Variants in DCAF6 observed in about 807,000 individuals in gnomAD.
The protein encoded by DCAF6 is DDB1- and CUL4-associated factor 6.
In DCAF6, 54 loss-of-function variants were observed where a neutral mutation model predicts 125.1. The observed-to-expected ratio is 0.43, with a 90% CI of 0.35 to 0.54. DCAF6 has a LOEUF of 0.54. Ranked by LOEUF, DCAF6 falls within the 20% of genes least tolerant of loss-of-function variation. The pLI, the probability that DCAF6 is intolerant of heterozygous loss-of-function variation, is 0.01. For missense variants in DCAF6, 934 were observed against 1,161.7 expected, an observed-to-expected ratio of 0.80 and a Z score of 2.85; for synonymous variants, 371 against 390.4, an observed-to-expected ratio of 0.95 and a Z score of 0.58.
At chr1:167,992,866 G>C (rs78357988) in intron 6 of DCAF6, among the ~76,000 whole-genome samples, 1 of 152,192 alleles carries the variant, frequency 6.6e-6, no homozygotes, top group Non-Finnish European at 1.5e-5. Flanking sequence ...ATGCTAATAA[G>C]TATTAGCTTT....
intron 3 of DCAF6, among the ~76,000 whole-genome samples, chr1:167,973,589 A>AT (rs998900031): frequency 6.6e-6 from 1 of 152,040 alleles, no homozygotes; most frequent in African/African-American, 2.4e-5. Context: ...CACCTTAAAC[A>AT]TTTTTTTAAT....
At chr1:167,915,658 T>A in the DCAF6 span, among the ~76,000 whole-genome samples, 1 of 152,100 alleles carries the variant, frequency 6.6e-6, no homozygotes, top group African/African-American at 2.4e-5. Flanking sequence ...ACCATGTTAG[T>A]CAGTCTTGTC....
At chr1:168,024,715 A>C (rs1376376584) in intron 12 of DCAF6, among the ~76,000 whole-genome samples, 1 of 151,748 alleles carries the variant, frequency 6.6e-6, no homozygotes, top group Non-Finnish European at 1.5e-5. Context: ...GAGGGAGGAG[A>C]ATCGCTTGAA....
the DCAF6 span, chr1:167,904,645 A>T: frequency 6.4e-5 from 36 of 561,946 alleles, no homozygotes; most frequent in Admixed American, 1.2e-4. Context: ...AGATGTAAAC[A>T]TCATCTAGGG....
At chr1:168,009,389 T>TTCTTTCTTTCTTTCTTTCTC (rs1683900088) in intron 10 of DCAF6, among the ~76,000 whole-genome samples, 2 of 133,186 alleles carry the variant, frequency 1.5e-5, no homozygotes, top group African/African-American at 3.1e-5. Flanking sequence ...CTTCCTTCCT[T>TTCTTTCTTTCTTTCTTTCTC]TCTTTCTTTC....
chr1:168,064,015 G>GTTT (rs11295033), intron 18 of DCAF6: 14 of 121,310 alleles, frequency 1.2e-4, no homozygotes, highest in Middle Eastern at 3.9e-3. Flanking sequence ...CATTGCTTTT[G>GTTT]TTTTTTTTTT....
At position 168,009,345 on chromosome 1, in the gene DCAF6, CCCTTCCTTCCTTCCTTCCTT is replaced by C. The variant is rs199573600; in HGVS notation, c.1378+4577_1378+4596del. Reference sequence around the variant, plus strand: ...TTCTCTTCTTCTTTCCTTCCTTCCTCCCTTCCTTCCTTCCTTCCTTCCTTCCTTCCTTCCTTCCTTCCTTT... The same window carrying C: ...TTCTCTTCTTCTTTCCTTCCTTCCTCCCTTCCTTCCTTCCTTCCTTCCTTT... On this transcript the variant is annotated intron_variant, in intron 10 of 21. Transcript: ENST00000367840. Among the ~76,000 whole-genome samples, 79 of 127,946 alleles carry C rather than the reference CCCTTCCTTCCTTCCTTCCTT, an allele frequency of 6.2e-4. 1 individual carries two copies. Among genetic ancestry groups the C allele is most frequent in the East Asian group, 4.7e-4 (2 of 4,288 alleles). 83.9% of individuals were successfully genotyped at this position (127,946 alleles called of 152,430 possible). A position where few individuals can be genotyped will look rare whatever the true frequency, so the allele number is the denominator to read the frequency against.
chr1:167,923,171 T>C, the DCAF6 span, among the ~76,000 whole-genome samples: 8 of 152,234 alleles, frequency 5.3e-5, no homozygotes, highest in Non-Finnish European at 1.2e-4. Context: ...AATTATCATA[T>C]GATCTAGCAA....
intron 11 of DCAF6, among the ~76,000 whole-genome samples, chr1:168,020,263 G>A (rs1374777891): frequency 6.6e-6 from 1 of 152,158 alleles, no homozygotes; most frequent in East Asian, 1.9e-4. Context: ...ACTTAGACAA[G>A]TTAAATAACT....
chr1:168,028,372 C>G (rs1686615990), intron 12 of DCAF6, among the ~76,000 whole-genome samples: 1 of 152,066 alleles, frequency 6.6e-6, no homozygotes, highest in Admixed American at 6.6e-5. Flanking sequence ...GTAATTTTGT[C>G]TGAGTTTTAG....
chr1:168,010,008 AT>A (rs1315074523), intron 10 of DCAF6, among the ~76,000 whole-genome samples: 2 of 152,108 alleles, frequency 1.3e-5, no homozygotes, highest in Non-Finnish European at 2.9e-5. Context: ...GATAGGGTAT[AT>A]TTAGCTTTAT....
rs758228451 is a variant in DCAF6 at position 168,004,745 on chromosome 1, C to A, written c.1330C>A (p.Gln444Lys). 6.2e-7 allele frequency: 1 copy of A among 1,613,952 alleles called. No homozygotes were observed. Among genetic ancestry groups the A allele is most frequent in the Non-Finnish European group, 8.5e-7 (1 of 1,179,876 alleles). The change falls in exon 10 of 22, where the codon CAA (glutamine) becomes AAA (lysine). Residue 444 changes from glutamine (Q) to lysine (K), a missense_variant. Gln to Lys is a moderately conservative substitution (Grantham distance 53). Coordinates refer to ENST00000367840, the MANE Select transcript of DCAF6 (RefSeq NM_001198956.2). Reference sequence around the variant, plus strand: ...TTTGCTATCTTCTCCAGACAGTGAACAAAGGCAGTCTGTTGAGGCATCTGG... The same window carrying A: ...TTTGCTATCTTCTCCAGACAGTGAAAAAAGGCAGTCTGTTGAGGCATCTGG... ...TPLLSSPDSE[Q>K]RQSVEASGHH...
At chr1:168,050,095 T>C (rs957677742) in intron 16 of DCAF6, among the ~76,000 whole-genome samples, 3 of 151,270 alleles carry the variant, frequency 2.0e-5, no homozygotes, top group East Asian at 3.9e-4. Flanking sequence ...CTAAGAAAGC[T>C]TCCTGAATAA....
chr1:167,944,527 T>C (rs1267033597), intron 1 of DCAF6, among the ~76,000 whole-genome samples: 1 of 152,232 alleles, frequency 6.6e-6, no homozygotes, highest in East Asian at 1.9e-4. Flanking sequence ...TGATATCTCA[T>C]TGTGAATTTG....
chr1:167,878,332 A>T, the DCAF6 span: 1 of 1,212,720 alleles, frequency 8.2e-7, no homozygotes. Flanking sequence ...TGGGGAAAGC[A>T]TAGATTTCAA....
chr1:167,877,344 G>T, the DCAF6 span, among the ~76,000 whole-genome samples: 3 of 151,480 alleles, frequency 2.0e-5, no homozygotes, highest in Non-Finnish European at 4.4e-5. Flanking sequence ...TATTCAAACT[G>T]CACTTTATTG....
chr1:168,068,233 T>C, intron 20 of DCAF6, 125 bp from the exon 21 acceptor site: 2 of 559,020 alleles, frequency 3.6e-6, no homozygotes, highest in Non-Finnish European at 6.5e-6. Context: ...AATATAGACA[T>C]CAGACGCATA....
intron 12 of DCAF6, among the ~76,000 whole-genome samples, chr1:168,027,376 T>C (rs1206247428): frequency 6.6e-6 from 1 of 152,166 alleles, no homozygotes; most frequent in African/African-American, 2.4e-5. Flanking sequence ...CCAGATATGC[T>C]ATTATTTCAA....
chr1:168,032,708 CAG>C (rs985071767), intron 12 of DCAF6, among the ~76,000 whole-genome samples: 20 of 152,150 alleles, frequency 1.3e-4, no homozygotes, highest in African/African-American at 4.3e-4. Context: ...ATTAGGTAAA[CAG>C]TGTTTTATTT....
Sources: allele counts gnomAD v4.1 joint callset (sites outside exome capture counted in the v4.1 genomes callset), GRCh38; gene constraint gnomAD v4.1.1; transcripts MANE v1.5; gene names NCBI Gene and HGNC (gene_info 2026-07-23, HGNC 2026-07-21).